CDIP1: variants seen among roughly 807,000 people sequenced by gnomAD.
CDIP1 encodes cell death inducing p53 target 1.
CDIP1 carries 9 observed loss-of-function variants against 17.7 expected under a neutral mutation model. The observed-to-expected ratio is 0.51, with a 90% CI of 0.31 to 0.89. CDIP1 has a LOEUF of 0.89. Among genes scored for constraint, CDIP1 ranks in the 40% least tolerant of loss-of-function variants. The pLI is 0.05. For missense variants in CDIP1, 263 were observed against 277.9 expected (o/e 0.95, Z 0.38); for synonymous variants, 117 against 109.5 (o/e 1.07, Z -0.43).
At chr16:4,516,424 CTT>C (rs1055961152) in intron 1 of CDIP1, among the ~76,000 whole-genome samples, 13 of 152,100 alleles carry the variant, frequency 8.5e-5, no homozygotes, top group African/African-American at 2.7e-4. Flanking sequence ...GTCAATAAAA[CTT>C]ATTTTTAAAA....
intron 1 of CDIP1, among the ~76,000 whole-genome samples, chr16:4,525,257 C>T (rs936255002): frequency 6.6e-6 from 1 of 152,136 alleles, no homozygotes; most frequent in African/African-American, 2.4e-5. Context: ...TACTCCCTGG[C>T]GGGAAGGCTG....
At chr16:4,536,018 T>G (rs936720546) in intron 1 of CDIP1, among the ~76,000 whole-genome samples, 10 of 152,142 alleles carry the variant, frequency 6.6e-5, no homozygotes, top group Non-Finnish European at 1.3e-4. Context: ...CCGGCCTGGC[T>G]CTCTCTCTCC....
chr16:4,525,085 G>A (rs1418230828), intron 1 of CDIP1, among the ~76,000 whole-genome samples: 1 of 152,148 alleles, frequency 6.6e-6, no homozygotes, highest in Non-Finnish European at 1.5e-5. Flanking sequence ...GGGCAACAGA[G>A]TGAGACTCTA....
rs1042512492 is a variant in CDIP1 at position 4,511,389 on chromosome 16, G to A, written c.*1183C>T. On this transcript the variant is annotated 3_prime_UTR_variant, in exon 6 of 6. Coordinates refer to ENST00000567695, the MANE Select transcript of CDIP1 (RefSeq NM_013399.3). ...CTGAGACTGGGCCACGATTCACAGT[G>A]ACAGGAGGCCATGCAGTGGCAGTGC... 6.5e-6 allele frequency: 1 copy of A among 152,848 alleles called. No individual in the cohort carries two copies. The highest frequency in any genetic ancestry group is 2.4e-5 in the African/African-American group (1 of 41,462). 9.5% of individuals were successfully genotyped at this position (152,848 alleles called of 1,614,324 possible).
At chr16:4,518,773 A>C (rs969909005) in intron 1 of CDIP1, among the ~76,000 whole-genome samples, 3 of 152,256 alleles carry the variant, frequency 2.0e-5, no homozygotes, top group African/African-American at 7.2e-5. Context: ...ATAATCTTTC[A>C]ATCACACGAT....
chr16:4,531,032 G>A (rs1285141535), intron 1 of CDIP1, among the ~76,000 whole-genome samples: 1 of 151,608 alleles, frequency 6.6e-6, no homozygotes, highest in African/African-American at 2.4e-5. Flanking sequence ...CATCTGCTTG[G>A]CCATGTATAT....
In CDIP1 at chr16:4,513,135, C is replaced by T. The variant is rs1201709804; in HGVS notation, c.242-71G>A. On this transcript the variant is annotated intron_variant, in intron 4 of 5. Transcript: ENST00000567695. The surrounding 1 kb of genome is among the most constrained non-coding windows in gnomAD (Gnocchi z 4.1). ...CCTGCACCAGACAAAGAGATTGGCG[C>T]AAAGCCCCACGGTCCACAGCGCCCA... 1 of 1,422,854 alleles carries T rather than the reference C, an allele frequency of 7.0e-7. No homozygotes were observed. The highest frequency in any genetic ancestry group is 1.4e-5 in the African/African-American group (1 of 70,988). The allele number at this position is 1,422,854 out of a possible 1,614,324, so 88.1% of individuals were successfully genotyped here.
chr16:4,520,561 T>C (rs1424624658), intron 1 of CDIP1, among the ~76,000 whole-genome samples: 1 of 152,222 alleles, frequency 6.6e-6, no homozygotes, highest in Non-Finnish European at 1.5e-5. Context: ...GTGGGTCACC[T>C]GAAAATACGG....
At chr16:4,524,658 G>C (rs983838352) in intron 1 of CDIP1, among the ~76,000 whole-genome samples, 2 of 152,180 alleles carry the variant, frequency 1.3e-5, no homozygotes, top group Non-Finnish European at 2.9e-5. Context: ...GAGGGCCTTG[G>C]GATGGAGGCC....
intron 1 of CDIP1, among the ~76,000 whole-genome samples, chr16:4,530,121 A>G (rs1232643985): frequency 6.6e-6 from 1 of 152,254 alleles, no homozygotes; most frequent in East Asian, 1.9e-4. Context: ...CTCATGTTAC[A>G]GGGCATTCTT....
chr16:4,516,889 T>G (rs1179682010), intron 1 of CDIP1, among the ~76,000 whole-genome samples: 1 of 151,954 alleles, frequency 6.6e-6, no homozygotes, highest in East Asian at 1.9e-4. Flanking sequence ...TGTATTTTTT[T>G]AGTAGAGAAG....
At chr16:4,518,894 T>C (rs1400646428) in intron 1 of CDIP1, among the ~76,000 whole-genome samples, 2 of 152,124 alleles carry the variant, frequency 1.3e-5, no homozygotes, top group African/African-American at 2.4e-5. Context: ...GGGAAGGTGC[T>C]GGTGAGGGAG....
chr16:4,526,226 G>A (rs762756250), intron 1 of CDIP1, among the ~76,000 whole-genome samples: 1 of 152,048 alleles, frequency 6.6e-6, no homozygotes. Flanking sequence ...CCAACATGGT[G>A]AAACTCTGTT....
intron 1 of CDIP1, among the ~76,000 whole-genome samples, chr16:4,525,389 A>T (rs766432646): frequency 1.9e-4 from 29 of 152,006 alleles, no homozygotes; most frequent in Non-Finnish European, 2.9e-4. Context: ...CTCAAGGAGG[A>T]GCTGAGGAGG....
chr16:4,521,633 C>T lies in CDIP1; in HGVS notation c.-104-6969G>A, dbSNP rs371821223. 4.3e-4 allele frequency among the ~76,000 whole-genome samples: 63 copies of T among 145,408 alleles called. No individual in the cohort carries two copies. In the East Asian group the frequency reaches 8.3e-3, roughly 19 times the overall value. Reference sequence around the variant, plus strand: ...ATTCCAGCACTCGGGGAGGCCGAGACGGGAGGATTACTTGAGCCCAGGAGT... The same window carrying T: ...ATTCCAGCACTCGGGGAGGCCGAGATGGGAGGATTACTTGAGCCCAGGAGT... On this transcript the variant is annotated intron_variant, in intron 1 of 5. Coordinates refer to ENST00000567695, the MANE Select transcript of CDIP1 (RefSeq NM_013399.3).
chr16:4,518,855 T>C (rs1428913416), intron 1 of CDIP1, among the ~76,000 whole-genome samples: 5 of 152,162 alleles, frequency 3.3e-5, no homozygotes, highest in Non-Finnish European at 5.9e-5. Flanking sequence ...ATGTCTGATC[T>C]GAAAATGCAG....
intron 1 of CDIP1, among the ~76,000 whole-genome samples, chr16:4,528,174 A>T (rs904059019): frequency 6.6e-6 from 1 of 152,228 alleles, no homozygotes; most frequent in Non-Finnish European, 1.5e-5. Flanking sequence ...GTGAGTGAAG[A>T]ATAAAAAAGC....
chr16:4,526,564 A>T (rs1276732402), intron 1 of CDIP1, among the ~76,000 whole-genome samples: 1 of 151,686 alleles, frequency 6.6e-6, no homozygotes, highest in Non-Finnish European at 1.5e-5. Flanking sequence ...GCCAGGCATG[A>T]TGGCGGGCGC....
chr16:4,531,977 G>C (rs747276187), intron 1 of CDIP1, among the ~76,000 whole-genome samples: 2 of 152,206 alleles, frequency 1.3e-5, no homozygotes, highest in African/African-American at 4.8e-5. Flanking sequence ...CTCAGGCCCC[G>C]CTGGGCCTCT....
Sources: gnomAD v4.1 joint callset for allele counts (sites outside exome capture counted in the v4.1 genomes callset) on GRCh38, gnomAD v4.1.1 for gene constraint, Gnocchi (gnomAD v3.1) non-coding constraint, MANE v1.5 for transcripts, NCBI Gene and HGNC (gene_info 2026-07-23, HGNC 2026-07-21) for gene names.